USP50: variants seen among roughly 807,000 people sequenced by gnomAD.
USP50 encodes the protein ubiquitin carboxyl-terminal hydrolase 50.
USP50 carries 37 observed loss-of-function variants against 39.2 expected under a neutral mutation model. The ratio of observed to expected loss-of-function variants is 0.94; its 90% CI spans 0.73 to 1.24. USP50 has a LOEUF of 1.24. Ranked by LOEUF, USP50 falls within the 50% of genes most tolerant of loss-of-function variation. USP50 has a pLI of 0.00. For missense variants in USP50, 374 were observed against 398.2 expected (o/e 0.94, Z 0.52); for synonymous variants, 139 against 144.5 (o/e 0.96, Z 0.27).
At chr15:50,531,649 G>A (rs2141372270) in intron 5 of USP50, among the ~76,000 whole-genome samples, 1 of 152,228 alleles carries the variant, frequency 6.6e-6, no homozygotes, top group East Asian at 1.9e-4. Context: ...TCATAGAACT[G>A]TGCACCTAAA....
downstream of USP50, among the ~76,000 whole-genome samples, chr15:50,498,026 T>TAAAC (rs891302350): frequency 1.3e-4 from 20 of 152,200 alleles, no homozygotes; most frequent in African/African-American, 4.3e-4. Flanking sequence ...TCTGGAAGTA[T>TAAAC]AAACATTCTA....
chr15:50,525,629 T>C (rs1402539838), intron 6 of USP50, among the ~76,000 whole-genome samples: 1 of 117,240 alleles, frequency 8.5e-6, no homozygotes, highest in Non-Finnish European at 1.7e-5. Flanking sequence ...TATGTATATG[T>C]ATATATGTAT....
At chr15:50,524,898 A>C (rs1398357324) in intron 6 of USP50, among the ~76,000 whole-genome samples, 1 of 152,076 alleles carries the variant, frequency 6.6e-6, no homozygotes, top group Non-Finnish European at 1.5e-5. Context: ...TCAACAAAAA[A>C]AAAACCCTAC....
At chr15:50,529,968 T>C in intron 5 of USP50, 39 bp from the exon 6 acceptor site, 1 of 1,609,742 alleles carries the variant, frequency 6.2e-7, no homozygotes, top group Non-Finnish European at 8.5e-7. Context: ...AAAGTAAGCT[T>C]GTGAACCACT....
intron 2 of USP50, 41 bp from the exon 3 acceptor site, chr15:50,543,834 A>G (rs746553067): frequency 6.4e-7 from 1 of 1,563,936 alleles, no homozygotes; most frequent in Non-Finnish European, 8.7e-7. Flanking sequence ...TGATTTAATG[A>G]AAAGAAGGCA....
At chr15:50,496,176 C>A, downstream of USP50, 4 of 1,097,396 alleles carry the variant, frequency 3.6e-6, no homozygotes, top group East Asian at 2.4e-5. Flanking sequence ...TTTACCCTTA[C>A]AAACATTTTA....
At chr15:50,517,686 C>T (rs2052814362) in intron 6 of USP50, among the ~76,000 whole-genome samples, 1 of 152,074 alleles carries the variant, frequency 6.6e-6, no homozygotes, top group African/African-American at 2.4e-5. Context: ...ACATAACATA[C>T]AAAAACTCAT....
chr15:50,501,723 A>G (rs1425717819), intron 6 of USP50: 1 of 152,236 alleles, frequency 6.6e-6, no homozygotes, highest in East Asian at 1.9e-4. Context: ...AGAGAGGTGT[A>G]CTTCCAAGGA....
Position 50,538,737 on chromosome 15 carries a change from G to A in USP50, c.775C>T (p.Pro259Ser), listed in dbSNP as rs1236556126. 1.9e-6 allele frequency: 3 copies of A among 1,604,320 alleles called. No homozygotes were observed. Among genetic ancestry groups the A allele is most frequent in the Admixed American group, 1.7e-5 (1 of 57,770 alleles). ...TAVRASISKA[P>S]KIIIFHLKRF... ...TTTAGGTGGAAAATAATTATTTTTG[G>A]TGCTTTGGAAATACTGGCCCTCACA... The change falls in exon 5 of 7, where the codon CCA (proline) becomes TCA (serine). Residue 259 changes from proline (P) to serine (S), a missense_variant. By Grantham distance (74) the Pro-to-Ser change is moderately conservative. Coordinates refer to ENST00000532404, the MANE Select transcript of USP50 (RefSeq NM_203494.5).
intron 6 of USP50, among the ~76,000 whole-genome samples, chr15:50,521,996 C>T (rs1453009655): frequency 6.6e-6 from 1 of 151,912 alleles, no homozygotes; most frequent in Admixed American, 6.6e-5. Context: ...GGACACATTA[C>T]AATTCATAAC....
chr15:50,497,431 A>G (rs906979624), downstream of USP50: 3 of 447,114 alleles, frequency 6.7e-6, no homozygotes, highest in African/African-American at 6.1e-5. Context: ...CAAAATGACA[A>G]TACCACTATT....
At position 50,544,771 on chromosome 15, in the gene USP50, T is replaced by C. The variant is rs774071149; in HGVS notation, c.64A>G (p.Thr22Ala). The change falls in exon 2 of 7, where the codon ACA becomes GCA. Residue 22 changes from threonine (T) to alanine (A), a missense_variant. Physicochemically the swap from Thr to Ala is moderately conservative, Grantham distance 58 (BLOSUM62 0). Transcript: ENST00000532404. ...ACTGGAAGGGTATCATAGTAATCTG[T>C]GCACTCTGCACTGTGTTGGTGCCAC... ...FDIYHVLAEC[T>A]DYYDTLPVKE... 4.3e-6 allele frequency: 7 copies of C among 1,613,878 alleles called. No individual in the cohort carries two copies. The East Asian group carries it at 8.9e-5, about 21-fold the overall frequency.
At chr15:50,494,704 T>TA (rs1293552076) in intron 1 of USP50, among the ~76,000 whole-genome samples, 5 of 152,194 alleles carry the variant, frequency 3.3e-5, no homozygotes, top group African/African-American at 1.2e-4. Flanking sequence ...CCTTTATTCT[T>TA]ACACATCCTT....
downstream of USP50, chr15:50,495,784 ATTC>A (rs2052374670): frequency 7.6e-7 from 1 of 1,310,258 alleles, no homozygotes; most frequent in East Asian, 2.5e-5. Context: ...ATTCACTTTT[ATTC>A]TTTCAATTTA....
At position 50,543,621 on chromosome 15, in the gene USP50, C is replaced by A; in HGVS notation, c.421G>T (p.Glu141Ter). ...AQEFLICVLN[E>*]LHEALKKYHY... ...ACCTTTTTTAGAGCTTCATGAAGTT[C>A]ATTTAGGACACAAATCAAGAATTCC... is the stretch of plus-strand genomic sequence containing the variant. The change falls in exon 3 of 7, where the codon GAA becomes TAA. Residue 141 changes from glutamate (E) to a stop codon, truncating the protein, a stop_gained. Transcript: ENST00000532404. LOFTEE classifies it high-confidence loss of function. 6.2e-7 allele frequency: 1 copy of A among 1,613,504 alleles called. No individual in the cohort carries two copies. Among genetic ancestry groups the A allele is most frequent in the South Asian group, 1.1e-5 (1 of 90,928 alleles).
Position 50,538,884 on chromosome 15 carries a change from T to C in USP50, c.661-33A>G, listed in dbSNP as rs866261248. ...GGAAAAAAAGGATTTGGTGACCAAATTGGATCAACTGCAACCTGCACTCTC... is the reference window on the plus strand; with the variant it reads ...GGAAAAAAAGGATTTGGTGACCAAACTGGATCAACTGCAACCTGCACTCTC... On this transcript the variant is annotated intron_variant, in intron 4 of 6. Coordinates refer to ENST00000532404, the MANE Select transcript of USP50 (RefSeq NM_203494.5). The C allele has an allele frequency of 7.6e-6, 12 of 1,581,470 alleles. No individual in the cohort carries two copies. In the Middle Eastern group the frequency reaches 1.9e-3, roughly 245 times the overall value.
chr15:50,493,880 A>G (rs1361812420), downstream of USP50: 1 of 763,958 alleles, frequency 1.3e-6, no homozygotes, highest in Admixed American at 1.9e-5. Context: ...CAGCCAAAAG[A>G]AGGAAGCTGA....
chr15:50,541,318 CTGTG>C, intron 3 of USP50, 54 bp from the exon 4 acceptor site: 1 of 1,500,502 alleles, frequency 6.7e-7, no homozygotes, highest in South Asian at 1.2e-5. Flanking sequence ...TTAAAAAAGA[CTGTG>C]GCAACATGGT....
At chr15:50,517,824 T>C (rs1400160540) in intron 6 of USP50, among the ~76,000 whole-genome samples, 2 of 152,088 alleles carry the variant, frequency 1.3e-5, no homozygotes, top group Non-Finnish European at 2.9e-5. Flanking sequence ...GTTCAAGTAA[T>C]CCTCCCATCT....
Sources: allele counts gnomAD v4.1 joint callset (sites outside exome capture counted in the v4.1 genomes callset), GRCh38; gene constraint gnomAD v4.1.1; transcripts MANE v1.5; gene names NCBI Gene and HGNC (gene_info 2026-07-23, HGNC 2026-07-21).